The following SV2C variants were observed in gnomAD, a reference collection of about 807,000 sequenced individuals.
SV2C encodes the protein solute carrier family 22 member B3.
SV2C carries 49 observed loss-of-function variants against 79.7 expected under a neutral mutation model. The observed-to-expected ratio is 0.61, with a 90% CI of 0.49 to 0.78. The LOEUF is 0.78. Ranked by LOEUF, SV2C falls within the 30% of genes least tolerant of loss-of-function variation. The pLI is 0.00. For missense variants in SV2C, 833 were observed against 912.9 expected, an observed-to-expected ratio of 0.91 and a Z score of 1.13; for synonymous variants, 334 against 333.2, an observed-to-expected ratio of 1.00 and a Z score of -0.03.
At chr5:76,148,865 A>G (rs1749515811) in intron 2 of SV2C, among the ~76,000 whole-genome samples, 1 of 152,168 alleles carries the variant, frequency 6.6e-6, no homozygotes, top group Non-Finnish European at 1.5e-5. Flanking sequence ...TTCAGGTCAC[A>G]TCTAGTCTTG....
chr5:76,123,713 T>C (rs2112168082), intron 1 of SV2C, among the ~76,000 whole-genome samples: 1 of 152,292 alleles, frequency 6.6e-6, no homozygotes, highest in African/African-American at 2.4e-5. Flanking sequence ...GGAAAATTGT[T>C]TTGACATCAC....
At chr5:76,342,990 C>G (rs1749472539) in intron 12 of SV2C, among the ~76,000 whole-genome samples, 1 of 151,600 alleles carries the variant, frequency 6.6e-6, no homozygotes, top group Non-Finnish European at 1.5e-5. Context: ...TCCCAAAATG[C>G]TGAGATTATA....
chr5:76,228,901 T>C (rs7443675), intron 4 of SV2C, among the ~76,000 whole-genome samples: 29,506 of 152,160 alleles, frequency 0.19, 4,297 homozygotes, highest in African/African-American at 0.41. Flanking sequence ...GGCCATGCCA[T>C]GCCTCCAGAT....
the SV2C span, among the ~76,000 whole-genome samples, chr5:76,054,850 T>A: frequency 1.3e-5 from 2 of 152,114 alleles, no homozygotes; most frequent in Non-Finnish European, 2.9e-5. Context: ...TGTTTGTTTG[T>A]TTTTTTCTTG....
At chr5:76,245,047 A>C (rs1745902864) in intron 4 of SV2C, among the ~76,000 whole-genome samples, 1 of 152,342 alleles carries the variant, frequency 6.6e-6, no homozygotes, top group South Asian at 2.1e-4. Flanking sequence ...GAAATCTTCC[A>C]TGGTACCCCC....
At chr5:76,090,384 T>C (rs1399725352) in intron 1 of SV2C, among the ~76,000 whole-genome samples, 1 of 152,228 alleles carries the variant, frequency 6.6e-6, no homozygotes, top group African/African-American at 2.4e-5. Flanking sequence ...AGCATTGTAT[T>C]TAGTCTTCGT....
At chr5:76,049,197 C>T in the SV2C span, among the ~76,000 whole-genome samples, 1 of 151,322 alleles carries the variant, frequency 6.6e-6, no homozygotes, top group Non-Finnish European at 1.5e-5. Context: ...ATTAGCTAGG[C>T]GTGGTAGTGG....
rs1025555942 is a variant in SV2C at position 76,346,295 on chromosome 5, GTTTAAT to G, written c.2001-6829_2001-6824del. On this transcript the variant is annotated intron_variant, in intron 12 of 12. Transcript: ENST00000322285. ...GTTACCTTTGTTTTTAATGTAATTT[GTTTAAT>G]TTTAAGTTTATATAACTTAGCTTTT... 5.3e-5 allele frequency among the ~76,000 whole-genome samples: 8 copies of G among 152,138 alleles called. 1 individual carries two copies. Among genetic ancestry groups the G allele is most frequent in the East Asian group, 3.9e-4 (2 of 5,170 alleles).
chr5:76,261,357 T>TACATG (rs1746461844), intron 4 of SV2C, among the ~76,000 whole-genome samples: 1 of 152,218 alleles, frequency 6.6e-6, no homozygotes, highest in East Asian at 1.9e-4. Flanking sequence ...GACGATAGGG[T>TACATG]TTTCTAAATA....
At chr5:76,307,672 T>A (rs777731876) in intron 12 of SV2C, among the ~76,000 whole-genome samples, 24 of 152,326 alleles carry the variant, frequency 1.6e-4, no homozygotes, top group Non-Finnish European at 2.8e-4. Flanking sequence ...TTTGTTATAG[T>A]TCCGCAGGTC....
At chr5:76,099,668 A>G (rs1747674079) in intron 1 of SV2C, among the ~76,000 whole-genome samples, 1 of 152,158 alleles carries the variant, frequency 6.6e-6, no homozygotes. Flanking sequence ...ACATCTTCTC[A>G]GGCTAACTAT....
intron 4 of SV2C, among the ~76,000 whole-genome samples, chr5:76,266,236 C>G (rs1216358535): frequency 1.3e-5 from 2 of 152,158 alleles, no homozygotes; most frequent in Non-Finnish European, 2.9e-5. Context: ...GAGATGGAGT[C>G]TCACTCTGTC....
intron 2 of SV2C, among the ~76,000 whole-genome samples, chr5:76,146,856 CA>C (rs942367791): frequency 1.1e-4 from 8 of 69,858 alleles, no homozygotes; most frequent in Admixed American, 3.9e-4. Flanking sequence ...GGAAAATAAA[CA>C]AAAAAAAAGT....
chr5:76,349,064 T>C (rs1054147738), intron 12 of SV2C, among the ~76,000 whole-genome samples: 2 of 152,210 alleles, frequency 1.3e-5, no homozygotes, highest in African/African-American at 4.8e-5. Flanking sequence ...TACTCTATCA[T>C]GTCTAACTAG....
rs1227264564 is a variant in SV2C, at chr5:76,300,829, C to G, written c.1737C>G (p.Ala579=). The stretch of plus-strand genomic sequence containing the variant: ...TTACCTTTGATGATGACTATAGTGC[C>G]TACTGGATTTATTTTGTCAACTTTC... The part of the protein sequence containing the change: ...CQITFDDDYS[A]YWIYFVNFLG... The change falls in exon 11 of 13, where the codon GCC becomes GCG. Residue 579 remains alanine, a synonymous_variant. Coordinates refer to ENST00000502798, the MANE Select transcript of SV2C (RefSeq NM_014979.4). The G allele has an allele frequency of 6.2e-7, 1 of 1,614,158 alleles. No individual in the cohort carries two copies. Among genetic ancestry groups the G allele is most frequent in the Non-Finnish European group, 8.5e-7 (1 of 1,180,006 alleles).
At chr5:76,259,696 G>A (rs961458752) in intron 4 of SV2C, among the ~76,000 whole-genome samples, 49 of 151,742 alleles carry the variant, frequency 3.2e-4, no homozygotes, top group African/African-American at 3.1e-4. Context: ...AGAACATGCC[G>A]TATTTGGTTT....
At chr5:76,183,217 G>A (rs967296303) in intron 2 of SV2C, among the ~76,000 whole-genome samples, 1 of 151,530 alleles carries the variant, frequency 6.6e-6, no homozygotes, top group Non-Finnish European at 1.5e-5. Flanking sequence ...TAGAGACAGG[G>A]TTTCACCATG....
chr5:76,325,606 C>T lies in SV2C; in HGVS notation c.*59C>T. On this transcript the variant is annotated 3_prime_UTR_variant, in exon 13 of 13. Coordinates refer to ENST00000502798, the MANE Select transcript of SV2C (RefSeq NM_014979.4). ...CTCCTGCCCTGGGTCAATTCTCCTTCCTGACTCAAGGCTTCAGAGTTTTCC... is the reference window on the plus strand; with the variant it reads ...CTCCTGCCCTGGGTCAATTCTCCTTTCTGACTCAAGGCTTCAGAGTTTTCC... The T allele has an allele frequency of 6.3e-7, 1 of 1,590,124 alleles. No homozygotes were observed. Among genetic ancestry groups the T allele is most frequent in the Non-Finnish European group, 8.6e-7 (1 of 1,169,506 alleles).
chr5:75,993,921 G>A, the SV2C span, among the ~76,000 whole-genome samples: 3 of 152,012 alleles, frequency 2.0e-5, no homozygotes, highest in Non-Finnish European at 4.4e-5. Context: ...TGATTTAGAA[G>A]GGGATGGAAA....
Sources: allele counts gnomAD v4.1 joint callset (sites outside exome capture counted in the v4.1 genomes callset), GRCh38; gene constraint gnomAD v4.1.1; transcripts MANE v1.5; gene names NCBI Gene and HGNC (gene_info 2026-07-23, HGNC 2026-07-21).